The following FGF9 variants were observed in gnomAD, a reference collection of about 807,000 sequenced individuals.
FGF9 encodes fibroblast growth factor 9.
FGF9 carries 3 observed loss-of-function variants against 19.9 expected under a neutral mutation model. That is an observed-to-expected ratio of 0.15 (90% CI 0.07 to 0.39). The LOEUF (loss-of-function observed/expected upper bound fraction) is 0.39, where lower values mean the gene tolerates loss of function less well. Among genes scored for constraint, FGF9 ranks in the 10% least tolerant of loss-of-function variants. The pLI, the probability that FGF9 is intolerant of heterozygous loss-of-function variation, is 1.00. For synonymous variants in FGF9, 107 were observed against 106.9 expected (o/e 1.00, Z -0.01); for missense variants, 175 against 256.8 (o/e 0.68, Z 2.18).
chr13:21,697,746 AT>A (rs1249101481), intron 2 of FGF9, among the ~76,000 whole-genome samples: 1 of 151,482 alleles, frequency 6.6e-6, no homozygotes, highest in Non-Finnish European at 1.5e-5. Flanking sequence ...CTCTCCACTC[AT>A]TCCTCCTGCA....
Position 21,681,162 on chromosome 13 carries a change from C to T in FGF9, c.381+17C>T, listed in dbSNP as rs2274296. ...TATGGATCAGTAAGTACTGGAGGGA[C>T]TTCATCCAGCTTTATCTCCATGTTT... On this transcript the variant is annotated intron_variant, in intron 2 of 2. Coordinates refer to ENST00000382353, the MANE Select transcript of FGF9 (RefSeq NM_002010.3). 513,551 of 1,531,198 alleles carry T rather than the reference C, an allele frequency of 0.34. 88,154 individuals are homozygous for T. Among genetic ancestry groups the T allele is most frequent in the East Asian group, 0.39 (17,225 of 44,458 alleles). The allele number at this position is 1,531,198 out of a possible 1,614,324, so 94.9% of individuals were successfully genotyped here.
rs1488254402 is a variant in FGF9 at position 21,702,107 on chromosome 13, A to G, written c.*672A>G. The G allele has an allele frequency of 6.6e-6, 1 of 152,030 alleles. No homozygotes were observed. The highest frequency in any genetic ancestry group is 2.4e-5 in the African/African-American group (1 of 41,436). 9.4% of individuals were successfully genotyped at this position (152,030 alleles called of 1,614,324 possible). A position where few individuals can be genotyped will look rare whatever the true frequency, so the allele number is the denominator to read the frequency against. ...TTATATAGAGTTTATTTTTAATGAA[A>G]CATGTACAGGCCAGATAGGCATTTT... On this transcript the variant is annotated 3_prime_UTR_variant, in exon 3 of 3. Transcript: ENST00000382353.
intron 1 of FGF9, among the ~76,000 whole-genome samples, chr13:21,679,704 C>G (rs1021301047): frequency 6.7e-6 from 1 of 149,422 alleles, no homozygotes; most frequent in Admixed American, 6.7e-5. Flanking sequence ...TTTGGGAAGC[C>G]GAGGCGGGTC....
In FGF9 at chr13:21,702,945, T is replaced by A. The variant is rs1238171493; in HGVS notation, c.*1510T>A. ...AGAGGGGATATTACTATATAGAATA[T>A]CTTTTACAAGGCTTTTATAACATTT... On this transcript the variant is annotated 3_prime_UTR_variant, in exon 3 of 3. Coordinates refer to ENST00000382353, the MANE Select transcript of FGF9 (RefSeq NM_002010.3). 6.6e-6 allele frequency: 1 copy of A among 152,238 alleles called. No homozygotes were observed. The highest frequency in any genetic ancestry group is 1.5e-5 in the Non-Finnish European group (1 of 68,044). The allele number at this position is 152,238 out of a possible 1,614,324, so 9.4% of individuals were successfully genotyped here.
chr13:21,695,767 A>G (rs1390661784), intron 2 of FGF9, among the ~76,000 whole-genome samples: 1 of 152,208 alleles, frequency 6.6e-6, no homozygotes, highest in Non-Finnish European at 1.5e-5. Context: ...TATGAGAATG[A>G]ATGATTACAT....
At chr13:21,686,569 C>G (rs1242931941) in intron 2 of FGF9, among the ~76,000 whole-genome samples, 2 of 152,154 alleles carry the variant, frequency 1.3e-5, no homozygotes, top group Non-Finnish European at 2.9e-5. Flanking sequence ...GCTAACATTT[C>G]TCGTTTGTAT....
At chr13:21,683,801 C>T (rs1872096027) in intron 2 of FGF9, among the ~76,000 whole-genome samples, 2 of 152,218 alleles carry the variant, frequency 1.3e-5, no homozygotes, top group African/African-American at 4.8e-5. Flanking sequence ...TGTCTCCAAT[C>T]CATTCTCCAC....
chr13:21,694,200 A>G (rs746274705), intron 2 of FGF9, among the ~76,000 whole-genome samples: 2 of 152,192 alleles, frequency 1.3e-5, no homozygotes, highest in Non-Finnish European at 2.9e-5. Flanking sequence ...CTGGAAGGTC[A>G]GCATGCCTCT....
intron 2 of FGF9, among the ~76,000 whole-genome samples, chr13:21,681,954 T>C (rs1050276389): frequency 1.3e-5 from 2 of 152,192 alleles, no homozygotes; most frequent in Admixed American, 1.3e-4. Flanking sequence ...GTTTTCAACT[T>C]TCAAACTTGT....
intron 1 of FGF9, among the ~76,000 whole-genome samples, chr13:21,677,005 T>G (rs991298209): frequency 3.9e-4 from 60 of 152,184 alleles, no homozygotes; most frequent in Non-Finnish European, 8.1e-4. Context: ...CCTGAAATAG[T>G]CCAGGCATTG....
intron 2 of FGF9, 111 bp downstream of exon 2, chr13:21,681,256 G>T (rs574920124): frequency 3.7e-6 from 3 of 820,008 alleles, no homozygotes; most frequent in East Asian, 5.1e-5. Flanking sequence ...TTTGGAAGGC[G>T]AGTGTAAGTT....
At chr13:21,689,966 C>T (rs1012640296) in intron 2 of FGF9, among the ~76,000 whole-genome samples, 2 of 152,200 alleles carry the variant, frequency 1.3e-5, no homozygotes, top group African/African-American at 4.8e-5. Context: ...CCCACATCAC[C>T]CCTGTTTTCA....
intron 1 of FGF9, chr13:21,674,266 A>C (rs964408211): frequency 6.7e-6 from 1 of 149,244 alleles, no homozygotes; most frequent in Non-Finnish European, 1.5e-5. Context: ...TGAAGCACGC[A>C]GCCGGGTTTT....
At chr13:21,694,317 CAT>C (rs1237474301) in intron 2 of FGF9, among the ~76,000 whole-genome samples, 1 of 152,116 alleles carries the variant, frequency 6.6e-6, no homozygotes, top group Non-Finnish European at 1.5e-5. Flanking sequence ...TTCTACAAAT[CAT>C]GTGCTGAATT....
chr13:21,694,223 C>T (rs989234152), intron 2 of FGF9, among the ~76,000 whole-genome samples: 9 of 152,186 alleles, frequency 5.9e-5, no homozygotes, highest in African/African-American at 1.9e-4. Context: ...TAGGGACACT[C>T]TGTGCATCTT....
rs536074944 is a variant in FGF9 at position 21,702,259 on chromosome 13, C to T, written c.*824C>T. ...AATGACCCTAATGTACTAAAGGCGA[C>T]AATCTCTTTTGTGCCCATATTATTG... On this transcript the variant is annotated 3_prime_UTR_variant, in exon 3 of 3. Transcript: ENST00000382353. The T allele has an allele frequency of 6.6e-6, 1 of 152,292 alleles. No homozygotes were observed. The highest frequency in any genetic ancestry group is 1.9e-4 in the East Asian group (1 of 5,190). The allele number at this position is 152,292 out of a possible 1,614,324, so 9.4% of individuals were successfully genotyped here. A position where few individuals can be genotyped will look rare whatever the true frequency, so the allele number is the denominator to read the frequency against.
chr13:21,698,489 G>T (rs1358605118), intron 2 of FGF9, among the ~76,000 whole-genome samples: 1 of 152,202 alleles, frequency 6.6e-6, no homozygotes, highest in Non-Finnish European at 1.5e-5. Flanking sequence ...TAAAGATGAG[G>T]TTACTGAGAC....
intron 1 of FGF9, among the ~76,000 whole-genome samples, chr13:21,675,530 C>T (rs1041938853): frequency 3.3e-5 from 5 of 151,984 alleles, no homozygotes; most frequent in Non-Finnish European, 7.4e-5. Context: ...TGCCCCGGCT[C>T]TGGCACACCT....
chr13:21,672,212 A>C lies in FGF9; in HGVS notation c.277+23A>C. ...TTGGTAGGTATACCATTAACCCTTT[A>C]GTGTCCATGAGATGACATGTTGAAA... On this transcript the variant is annotated intron_variant, in intron 1 of 2. Transcript: ENST00000382353. This position sits in a 1 kb window ranked among gnomAD's most constrained non-coding sequence, Gnocchi z 4.2. 1 of 1,613,842 alleles carries C rather than the reference A, an allele frequency of 6.2e-7. No homozygotes were observed. Among genetic ancestry groups the C allele is most frequent in the Non-Finnish European group, 8.5e-7 (1 of 1,179,782 alleles).
Sources: allele counts gnomAD v4.1 joint callset (sites outside exome capture counted in the v4.1 genomes callset), GRCh38; gene constraint gnomAD v4.1.1; non-coding constraint Gnocchi (gnomAD v3.1); transcripts MANE v1.5; gene names NCBI Gene and HGNC (gene_info 2026-07-23, HGNC 2026-07-21).